Variants in PDCD6IP observed in about 807,000 individuals in gnomAD.
The protein encoded by PDCD6IP is programmed cell death 6-interacting protein.
Under a neutral mutation model 103.7 loss-of-function variants are expected in PDCD6IP, and 43 were observed. That is an observed-to-expected ratio of 0.41 (90% CI 0.32 to 0.53). The LOEUF is 0.53. PDCD6IP is among the 20% of genes least tolerant of loss of function. The pLI is 0.16. For missense variants in PDCD6IP, 871 were observed against 1,036.7 expected (o/e 0.84, Z 2.20); for synonymous variants, 354 against 378.7 (o/e 0.93, Z 0.76).
At position 33,865,298 on chromosome 3, in the gene PDCD6IP, G is replaced by A. The variant is rs762157452; in HGVS notation, c.2300G>A (p.Arg767Gln). ...CCACCACCTGTGCTTCCAGCAAATC[G>A]AGCTCCTTCTGCTACTGCTCCATCT... Reference protein sequence around the residue: ...RPPPPVLPANRAPSATAPSPV... With the variant: ...RPPPPVLPANQAPSATAPSPV... The change falls in exon 17 of 18, where the codon CGA becomes CAA. Residue 767 changes from arginine (R) to glutamine (Q), a missense_variant. Arg to Gln is a conservative substitution (Grantham distance 43). This residue lies in a region of PDCD6IP where 202 missense variants were observed against 205.2 expected (regional missense o/e 0.98). Coordinates refer to ENST00000307296, the MANE Select transcript of PDCD6IP (RefSeq NM_013374.6). 12 of 1,592,116 alleles carry A rather than the reference G, an allele frequency of 7.5e-6. No homozygotes were observed. The African/African-American group carries it at 1.1e-4, about 15-fold the overall frequency.
intron 7 of PDCD6IP, among the ~76,000 whole-genome samples, chr3:33,834,687 A>C (rs1036843988): frequency 3.9e-5 from 6 of 152,212 alleles, no homozygotes; most frequent in African/African-American, 1.4e-4. Flanking sequence ...ATTTTGGAGA[A>C]TTATATAAGT....
intron 3 of PDCD6IP, among the ~76,000 whole-genome samples, chr3:33,814,137 T>A (rs912020425): frequency 6.7e-6 from 1 of 148,994 alleles, no homozygotes; most frequent in Non-Finnish European, 1.5e-5. Flanking sequence ...ATTTCTCTCA[T>A]TGGATTCTTT....
intron 12 of PDCD6IP, 70 bp from the exon 13 acceptor site, chr3:33,852,418 A>C: frequency 7.0e-7 from 1 of 1,423,244 alleles, no homozygotes. Context: ...TTTATATATT[A>C]TTTCCTTCTC....
At chr3:33,824,556 GC>G (rs1417019601) in intron 4 of PDCD6IP, among the ~76,000 whole-genome samples, 1 of 151,414 alleles carries the variant, frequency 6.6e-6, no homozygotes, top group Non-Finnish European at 1.5e-5. Context: ...ACCGCACCCG[GC>G]CAACTCATGA....
chr3:33,834,356 A>T (rs971538997), intron 7 of PDCD6IP, among the ~76,000 whole-genome samples: 1 of 152,196 alleles, frequency 6.6e-6, no homozygotes, highest in African/African-American at 2.4e-5. Context: ...CCCTCTGTGT[A>T]TAGCGTACCT....
chr3:33,808,478 C>T (rs1259831630), intron 1 of PDCD6IP, among the ~76,000 whole-genome samples: 1 of 152,150 alleles, frequency 6.6e-6, no homozygotes, highest in African/African-American at 2.4e-5. Flanking sequence ...TGAGGTCTCA[C>T]TATGTGCCCA....
At chr3:33,821,122 T>TC (rs1696981826) in intron 3 of PDCD6IP, among the ~76,000 whole-genome samples, 1 of 152,032 alleles carries the variant, frequency 6.6e-6, no homozygotes, top group Non-Finnish European at 1.5e-5. Flanking sequence ...TCCTCCCGCC[T>TC]CCGAGTAGCT....
chr3:33,848,052 G>A (rs1240532178), intron 12 of PDCD6IP, among the ~76,000 whole-genome samples: 1 of 152,124 alleles, frequency 6.6e-6, no homozygotes, highest in Non-Finnish European at 1.5e-5. Context: ...TGCCCTCCCA[G>A]AGGAGTGCCT....
chr3:33,821,235 C>G (rs1380540221), intron 3 of PDCD6IP, among the ~76,000 whole-genome samples: 3 of 151,022 alleles, frequency 2.0e-5, no homozygotes, highest in Non-Finnish European at 4.4e-5. Context: ...ACCTCAAACT[C>G]TTGGCTTCAA....
At position 33,798,650 on chromosome 3, in the gene PDCD6IP, A is replaced by C. The variant is rs368948546; in HGVS notation, c.-79A>C. 77 of 1,299,082 alleles carry C rather than the reference A, an allele frequency of 5.9e-5. 2 individuals are homozygous for C. In the South Asian group the frequency reaches 1.1e-3, roughly 19 times the overall value. 80.5% of individuals were successfully genotyped at this position (1,299,082 alleles called of 1,614,324 possible). ...CAGCCAGTCAGTCCGCCAGTCCGCC[A>C]GCCCAGTACCTCTCTCTCCTCGGCC... is the stretch of plus-strand genomic sequence containing the variant. On this transcript the variant is annotated 5_prime_UTR_variant, in exon 1 of 18. Coordinates refer to ENST00000307296, the MANE Select transcript of PDCD6IP (RefSeq NM_013374.6).
At chr3:33,850,351 GA>G (rs34541272) in intron 12 of PDCD6IP, among the ~76,000 whole-genome samples, 44,414 of 151,730 alleles carry the variant, frequency 0.29, 6,713 homozygotes, top group East Asian at 0.41. Context: ...TTCAAGTTTT[GA>G]ACTTAATCTC....
intron 6 of PDCD6IP, chr3:33,827,104 A>G (rs937452640): frequency 1.0e-6 from 1 of 985,328 alleles, no homozygotes; most frequent in African/African-American, 1.7e-5. Context: ...CAGCTAAGGA[A>G]AGCAACCATC....
At chr3:33,799,045 G>A (rs1439505380) in intron 1 of PDCD6IP, 108 bp downstream of exon 1, 4 of 1,089,496 alleles carry the variant, frequency 3.7e-6, no homozygotes, top group Non-Finnish European at 5.1e-6. Flanking sequence ...GAGCCGCCCC[G>A]TCCCGGCCTG....
At chr3:33,849,290 C>T (rs577471111) in intron 12 of PDCD6IP, among the ~76,000 whole-genome samples, 26 of 151,832 alleles carry the variant, frequency 1.7e-4, no homozygotes, top group African/African-American at 3.1e-4. Context: ...TTTACATTTG[C>T]GTTTCCTTCT....
chr3:33,842,887 G>T (rs987599279), intron 10 of PDCD6IP, among the ~76,000 whole-genome samples: 1 of 152,142 alleles, frequency 6.6e-6, no homozygotes, highest in African/African-American at 2.4e-5. Context: ...AGTTTTGATT[G>T]TGCATTCATA....
rs61405380 is a variant in PDCD6IP, at chr3:33,818,513, CTTT to C, written c.335-3420_335-3418del. On this transcript the variant is annotated intron_variant, in intron 3 of 17. Coordinates refer to ENST00000307296, the MANE Select transcript of PDCD6IP (RefSeq NM_013374.6). ...AGAACTTGAAGATATTGATCCCTTG[CTTT>C]TTTTTTTTTTTTTTTTTTTTTGATA... 5.0e-3 allele frequency among the ~76,000 whole-genome samples: 442 copies of C among 89,170 alleles called. 4 individuals are homozygous for C. The highest frequency in any genetic ancestry group is 0.011 in the Middle Eastern group (1 of 94). 58.5% of individuals were successfully genotyped at this position (89,170 alleles called of 152,430 possible).
At chr3:33,836,594 A>G (rs956521190) in intron 8 of PDCD6IP, among the ~76,000 whole-genome samples, 79 of 151,802 alleles carry the variant, frequency 5.2e-4, no homozygotes, top group African/African-American at 1.8e-3. Flanking sequence ...GGTGGCTCAC[A>G]CCTGTAATCC....
chr3:33,804,299 A>T (rs949319727), intron 1 of PDCD6IP, among the ~76,000 whole-genome samples: 1 of 152,196 alleles, frequency 6.6e-6, no homozygotes, highest in African/African-American at 2.4e-5. Context: ...TCCCTATGGA[A>T]TTTCCCAAGG....
At position 33,844,102 on chromosome 3, in the gene PDCD6IP, C is replaced by T. The variant is rs774858035; in HGVS notation, c.1360-10C>T. 2.6e-6 allele frequency: 4 copies of T among 1,539,416 alleles called. No homozygotes were observed. The highest frequency in any genetic ancestry group is 3.5e-6 in the Non-Finnish European group (4 of 1,131,632). On this transcript the variant is annotated splice_polypyrimidine_tract_variant and intron_variant, in intron 10 of 17. Transcript: ENST00000307296. Reference sequence around the variant, plus strand: ...TGACATTTCAGGGTTCTTTTTGCTTCCTTTTAAAGTCATTAAGGTTGTTGG... The same window carrying T: ...TGACATTTCAGGGTTCTTTTTGCTTTCTTTTAAAGTCATTAAGGTTGTTGG...
Sources: gnomAD v4.1 joint callset for allele counts (sites outside exome capture counted in the v4.1 genomes callset) on GRCh38, gnomAD v4.1.1 for gene constraint, gnomAD v4.1.1 regional missense constraint, MANE v1.5 for transcripts, NCBI Gene and HGNC (gene_info 2026-07-23, HGNC 2026-07-21) for gene names.